MSS51: variants seen among roughly 807,000 people sequenced by gnomAD.
The protein encoded by MSS51 is MSS51 mitochondrial translational activator, also known as putative protein MSS51 homolog, mitochondrial.
MSS51 carries 32 observed loss-of-function variants against 40.2 expected under a neutral mutation model. The observed-to-expected ratio is 0.80, with a 90% CI of 0.60 to 1.07. MSS51 has a LOEUF of 1.07. Ranked by LOEUF, MSS51 falls within the 50% of genes least tolerant of loss-of-function variation. The pLI is 0.00. For missense variants in MSS51, 518 were observed against 568.9 expected (o/e 0.91, Z 0.91); for synonymous variants, 178 against 214.2 (o/e 0.83, Z 1.48).
chr10:73,427,583 A>G (rs1165365298), intron 3 of MSS51, 30 bp downstream of exon 3: 3 of 1,580,264 alleles, frequency 1.9e-6, no homozygotes, highest in Non-Finnish European at 2.6e-6. Flanking sequence ...TCATTTCTGA[A>G]TGTCTCCCTA....
At chr10:73,425,579 G>A (rs915029820) in intron 5 of MSS51, among the ~76,000 whole-genome samples, 7 of 150,646 alleles carry the variant, frequency 4.6e-5, no homozygotes, top group African/African-American at 1.7e-4. Flanking sequence ...GGAGAATGGC[G>A]TGAACCCGGG....
chr10:73,424,814 C>T, intron 6 of MSS51, 42 bp from the exon 7 acceptor site: 1 of 1,534,012 alleles, frequency 6.5e-7, no homozygotes, highest in Non-Finnish European at 9.0e-7. Flanking sequence ...CTGATTGTGA[C>T]AGAGATAAAG....
chr10:73,432,993 A>C (rs951772084), intron 1 of MSS51, among the ~76,000 whole-genome samples: 3 of 152,110 alleles, frequency 2.0e-5, no homozygotes, highest in African/African-American at 7.2e-5. Flanking sequence ...TCCACTTAGA[A>C]AGGGAATCCC....
intron 1 of MSS51, among the ~76,000 whole-genome samples, chr10:73,433,184 ATCT>A (rs1564542913): frequency 1.3e-5 from 2 of 152,130 alleles, no homozygotes; most frequent in Non-Finnish European, 1.5e-5. Flanking sequence ...TAGGTTTCCC[ATCT>A]TCTTCTTTAC....
In MSS51 at chr10:73,426,140, C is replaced by T. The variant is rs2055986195; in HGVS notation, c.740G>A (p.Gly247Asp). Residue 247 changes from glycine to aspartate, a missense_variant, in exon 5 of 7, where the codon GGC (glycine) becomes GAC (aspartate). By Grantham distance (94) the Gly-to-Asp change is moderately conservative (BLOSUM62 -1). Transcript: ENST00000299432. ...TATCCCCAAGGCCCTAAGTCCTAGGCCTAGAGTCAAGGGCCGTGACAGGAC... is the reference window on the plus strand; with the variant it reads ...TATCCCCAAGGCCCTAAGTCCTAGGTCTAGAGTCAAGGGCCGTGACAGGAC... ...TDVLSRPLTLGLGLRALGIDV... is the reference protein window; with the variant it reads ...TDVLSRPLTLDLGLRALGIDV... The T allele has an allele frequency of 6.2e-7, 1 of 1,614,192 alleles. No individual in the cohort carries two copies. The highest frequency in any genetic ancestry group is 2.2e-5 in the East Asian group (1 of 44,884).
chr10:73,424,976 A>G, intron 6 of MSS51, 122 bp downstream of exon 6: 1 of 856,684 alleles, frequency 1.2e-6, no homozygotes, highest in Non-Finnish European at 1.9e-6. Context: ...TAAAAAAGCC[A>G]TATGCGGAAA....
At position 73,426,682 on chromosome 10, in the gene MSS51, G is replaced by T. The variant is rs773895777; in HGVS notation, c.427C>A (p.Pro143Thr). Residue 143 changes from proline (P) to threonine (T), a missense_variant, in exon 4 of 7, where the codon CCC (proline) becomes ACC (threonine). Transcript: ENST00000299432. ...TCTTGACAAACCCTCCTGTGTGCGG[G>T]CCAGTCTGACTTCTGGCACTCTGGA... Reference protein sequence around the residue: ...CGPECQKSDWPAHRRVCQELR... With the variant: ...CGPECQKSDWTAHRRVCQELR... 1 of 1,614,052 alleles carries T rather than the reference G, an allele frequency of 6.2e-7. No individual in the cohort carries two copies. The highest frequency in any genetic ancestry group is 8.5e-7 in the Non-Finnish European group (1 of 1,180,036).
chr10:73,433,273 T>TGG (rs1427568962), intron 1 of MSS51, among the ~76,000 whole-genome samples: 1 of 152,004 alleles, frequency 6.6e-6, no homozygotes, highest in East Asian at 1.9e-4. Context: ...TCATCTAATT[T>TGG]TCTGTAAGTC....
chr10:73,429,622 C>T (rs771627829), intron 1 of MSS51: 5 of 456,696 alleles, frequency 1.1e-5, no homozygotes, highest in South Asian at 4.6e-5. Context: ...CACTCAGTCA[C>T]GATCTGGCTG....
intron 3 of MSS51, 25 bp downstream of exon 3, chr10:73,427,588 T>C (rs2055998234): frequency 1.3e-6 from 2 of 1,584,042 alleles, no homozygotes; most frequent in East Asian, 4.5e-5. Context: ...TCTGAATGTC[T>C]CCCTATTAGC....
At chr10:73,433,450 G>A (rs186976271) in intron 1 of MSS51, 63 bp downstream of exon 1, 14 of 152,198 alleles carry the variant, frequency 9.2e-5, no homozygotes, top group Non-Finnish European at 5.9e-5. Context: ...TGCCTGGGGT[G>A]ATAAATACTT....
Position 73,428,311 on chromosome 10 carries a change from A to C in MSS51, c.-17-10T>G. On this transcript the variant is annotated splice_polypyrimidine_tract_variant and intron_variant, in intron 1 of 6. Transcript: ENST00000299432. Reference sequence around the variant, plus strand: ...GCCTGTCCAGTGATACCTGGAGATTATATGCAGAATAGACATGGAATGGAA... The same window carrying C: ...GCCTGTCCAGTGATACCTGGAGATTCTATGCAGAATAGACATGGAATGGAA... The C allele has an allele frequency of 6.4e-7, 1 of 1,562,462 alleles. No individual in the cohort carries two copies. The highest frequency in any genetic ancestry group is 1.2e-5 in the South Asian group (1 of 85,172).
At chr10:73,427,831 G>A in intron 2 of MSS51, 63 bp from the exon 3 acceptor site, 3 of 1,564,806 alleles carry the variant, frequency 1.9e-6, no homozygotes, top group South Asian at 2.4e-5. Flanking sequence ...AATCTCTCAT[G>A]CCCCCCATCT....
chr10:73,426,257 C>T lies in MSS51; in HGVS notation c.623G>A (p.Ser208Asn). 6.2e-7 allele frequency: 1 copy of T among 1,613,124 alleles called. No homozygotes were observed. The highest frequency in any genetic ancestry group is 8.5e-7 in the Non-Finnish European group (1 of 1,180,038). Residue 208 changes from serine to asparagine, a missense_variant, in exon 5 of 7, where the codon AGT becomes AAT. Ser to Asn is a conservative substitution (Grantham distance 46). Transcript: ENST00000299432. ...LDATLDAVLVSHAVTTLWASV... is the reference protein window; with the variant it reads ...LDATLDAVLVNHAVTTLWASV... ...GGCCCATAAGGTGGTCACAGCATGA[C>T]TAACTAGCACAGCATCCAATGTAGC...
intron 1 of MSS51, among the ~76,000 whole-genome samples, 191 bp from the exon 2 acceptor site, chr10:73,428,492 G>T (rs2056006388): frequency 6.6e-6 from 1 of 151,958 alleles, no homozygotes; most frequent in African/African-American, 2.4e-5. Context: ...GAAGTAATTT[G>T]TTGTTGTTGT....
chr10:73,425,982 T>G lies in MSS51; in HGVS notation c.898A>C (p.Met300Leu), dbSNP rs371629564. The G allele has an allele frequency of 1.2e-6, 2 of 1,614,178 alleles. No individual in the cohort carries two copies. The highest frequency in any genetic ancestry group is 1.7e-6 in the Non-Finnish European group (2 of 1,180,044). ...FPGHLGLRVV[M>L]VGVDVATGFS... ...CCAGTAGCTACATCTACACCCACCA[T>G]GACCACACGGAGTCCAAGGTGCCCA... Residue 300 changes from methionine (M) to leucine (L), a missense_variant, in exon 5 of 7, where the codon ATG becomes CTG. Coordinates refer to ENST00000299432, the MANE Select transcript of MSS51 (RefSeq NM_001024593.2).
intron 1 of MSS51, among the ~76,000 whole-genome samples, chr10:73,431,676 T>C (rs2056030024): frequency 6.6e-6 from 1 of 152,222 alleles, no homozygotes. Context: ...TTCTATCTCC[T>C]CATCCTTATG....
rs112709426 is a variant in MSS51, at chr10:73,425,992, G to A, written c.888C>T (p.Leu296=). The change falls in exon 5 of 7, where the codon CTC becomes CTT. Residue 296 remains leucine (L), a synonymous_variant. Coordinates refer to ENST00000299432, the MANE Select transcript of MSS51 (RefSeq NM_001024593.2). ...LGYMFPGHLG[L]RVVMVGVDVA... ...CATCTACACCCACCATGACCACACG[G>A]AGTCCAAGGTGCCCAGGAAACATGT... 1.1e-5 allele frequency: 18 copies of A among 1,614,054 alleles called. No homozygotes were observed. The African/African-American group carries it at 1.3e-4, about 12-fold the overall frequency.
At chr10:73,425,586 CGGG>C (rs2055976953) in intron 5 of MSS51, among the ~76,000 whole-genome samples, 2 of 149,806 alleles carry the variant, frequency 1.3e-5, no homozygotes, top group African/African-American at 4.9e-5. Flanking sequence ...GGCGTGAACC[CGGG>C]AGGTGGAGCT....
Sources: allele counts gnomAD v4.1 joint callset (sites outside exome capture counted in the v4.1 genomes callset), GRCh38; gene constraint gnomAD v4.1.1; transcripts MANE v1.5; gene names NCBI Gene and HGNC (gene_info 2026-07-23, HGNC 2026-07-21).